The following TG variants were observed in gnomAD, a reference collection of about 807,000 sequenced individuals.
TG encodes thyroid hormones.
A neutral mutation model predicts 324.7 loss-of-function variants in TG; 270 were observed. The ratio of observed to expected loss-of-function variants is 0.83; its 90% confidence interval spans 0.75 to 0.92. The LOEUF (loss-of-function observed/expected upper bound fraction) is 0.92. Ranked by LOEUF, TG falls within the 40% of genes least tolerant of loss-of-function variation. TG has a pLI of 0.00. For synonymous variants in TG, 1,401 were observed against 1,327.0 expected, an observed-to-expected ratio of 1.06 and a Z score of -1.21; for missense variants, 3,591 against 3,456.4, an observed-to-expected ratio of 1.04 and a Z score of -0.98.
rs7820791 is a variant in TG at position 132,875,176 on chromosome 8, G to A, written c.638+1955G>A. Among the ~76,000 whole-genome samples, 548 of 152,236 alleles carry A rather than the reference G, an allele frequency of 3.6e-3. 3 individuals carry two copies. The highest frequency in any genetic ancestry group is 0.01 in the Middle Eastern group (3 of 294). Reference sequence around the variant, plus strand: ...CAAAGTTGTAAATTACTATACTTCTGTAGGTAATTCTCATGCATCAGCCAG... The same window carrying A: ...CAAAGTTGTAAATTACTATACTTCTATAGGTAATTCTCATGCATCAGCCAG... On this transcript the variant is annotated intron_variant, in intron 5 of 47. Transcript: ENST00000220616.
intron 10 of TG, 63 bp downstream of exon 10, chr8:132,888,631 T>TG: frequency 7.1e-7 from 1 of 1,415,714 alleles, no homozygotes; most frequent in South Asian, 1.4e-5. Flanking sequence ...GTATGTGTGT[T>TG]TAACATATAA....
At chr8:133,012,203 C>G (rs549019817) in intron 36 of TG, among the ~76,000 whole-genome samples, 168 bp downstream of exon 36, 1 of 152,272 alleles carries the variant, frequency 6.6e-6, no homozygotes, top group South Asian at 2.1e-4. Flanking sequence ...CTCATTACCC[C>G]ACAGGGCAGC....
In TG at chr8:133,071,911, G is replaced by A. The variant is rs145594245; in HGVS notation, c.7240-23133G>A. ...CTCAATGAAAAGCCATGATCTAGCC[G>A]GTGTCTGGCACATAATGCAAGCTCA... On this transcript the variant is annotated intron_variant, in intron 41 of 47. Transcript: ENST00000220616. Among the ~76,000 whole-genome samples, 61 of 152,266 alleles carry A rather than the reference G, an allele frequency of 4.0e-4. 2 individuals carry two copies. The East Asian group carries it at 0.011, about 27-fold the overall frequency.
intron 31 of TG, among the ~76,000 whole-genome samples, chr8:132,969,217 C>T (rs1293765790): frequency 6.6e-6 from 1 of 152,086 alleles, no homozygotes; most frequent in African/African-American, 2.4e-5. Flanking sequence ...TTTTATTTCT[C>T]CATATGCTTT....
chr8:132,882,656 G>A, intron 7 of TG, 44 bp downstream of exon 7: 4 of 1,614,138 alleles, frequency 2.5e-6, no homozygotes, highest in Non-Finnish European at 3.4e-6. Flanking sequence ...CCATTAGGGG[G>A]ACGCCTCTTG....
In TG at chr8:132,935,778, C is replaced by T; in HGVS notation, c.4955C>T (p.Ser1652Leu). 6.2e-7 allele frequency: 1 copy of T among 1,612,974 alleles called. No individual in the cohort carries two copies. The highest frequency in any genetic ancestry group is 2.2e-5 in the East Asian group (1 of 44,878). The change falls in exon 25 of 48, where the codon TCA becomes TTA. Residue 1652 changes from serine to leucine, a missense_variant. Ser to Leu is a moderately radical substitution (Grantham distance 145). Transcript: ENST00000220616. ...CAGAAACGAGATGCACTGGGGAACT[C>T]AAAGGCCACCAGCTTTGGAAGTCTT... is the stretch of plus-strand genomic sequence containing the variant. ...SDQKRDALGN[S>L]KATSFGSLRC...
chr8:132,985,517 CA>C (rs1416775214), intron 35 of TG, among the ~76,000 whole-genome samples: 2 of 152,134 alleles, frequency 1.3e-5, no homozygotes, highest in Non-Finnish European at 2.9e-5. Context: ...CCTCCTTTAT[CA>C]ACAAAATATA....
intron 35 of TG, among the ~76,000 whole-genome samples, chr8:132,988,200 A>G (rs1447828048): frequency 6.6e-6 from 1 of 152,136 alleles, no homozygotes; most frequent in Non-Finnish European, 1.5e-5. Context: ...GATACTGACA[A>G]GTTTCCCCCA....
At chr8:132,883,281 C>T (rs1814924259) in intron 8 of TG, 3 of 438,594 alleles carry the variant, frequency 6.8e-6, no homozygotes, top group Non-Finnish European at 8.4e-6. Flanking sequence ...TGCGGTGAGA[C>T]AGGAGCATGC....
intron 41 of TG, among the ~76,000 whole-genome samples, chr8:133,079,381 G>C (rs910030893): frequency 6.6e-6 from 1 of 152,238 alleles, no homozygotes; most frequent in Non-Finnish European, 1.5e-5. Flanking sequence ...GTACTACGCT[G>C]TGGTCATCAC....
At chr8:132,982,629 C>T (rs1274929498) in intron 34 of TG, among the ~76,000 whole-genome samples, 6 of 152,174 alleles carry the variant, frequency 3.9e-5, no homozygotes, top group Non-Finnish European at 8.8e-5. Flanking sequence ...TGCTGTGCTG[C>T]TTGCTATTAG....
chr8:132,878,900 C>T (rs936463139), intron 5 of TG, among the ~76,000 whole-genome samples: 3 of 152,166 alleles, frequency 2.0e-5, no homozygotes, highest in African/African-American at 7.2e-5. Context: ...ATTCTTTGGT[C>T]CAGCTGGCCC....
intron 22 of TG, among the ~76,000 whole-genome samples, chr8:132,924,248 T>C (rs1821507356): frequency 6.6e-6 from 1 of 152,126 alleles, no homozygotes; most frequent in African/African-American, 2.4e-5. Context: ...GAGAATCTAA[T>C]GCTGCCACTG....
chr8:132,868,730 G>A (rs1242747664), intron 2 of TG, among the ~76,000 whole-genome samples: 1 of 152,194 alleles, frequency 6.6e-6, no homozygotes, highest in East Asian at 1.9e-4. Context: ...TCCACATTGA[G>A]CTGCTCTCTG....
chr8:132,869,779 A>ACGG lies in TG; in HGVS notation c.229_231dup (p.Gly77dup). The ACGG allele has an allele frequency of 6.2e-7, 1 of 1,614,150 alleles. No individual in the cohort carries two copies. ...CGCTCCTGCTGGTGTGTGGGTGCCAACGGCAGTGAAGTGCTGGGCAGCAGG... is the reference window on the plus strand; with the variant it reads ...CGCTCCTGCTGGTGTGTGGGTGCCAACGGCGGCAGTGAAGTGCTGGGCAGCAGG... On this transcript the variant is annotated inframe_insertion, in exon 3 of 48. Transcript: ENST00000220616.
chr8:132,981,590 A>G (rs144426616), intron 34 of TG, among the ~76,000 whole-genome samples: 3 of 152,284 alleles, frequency 2.0e-5, no homozygotes, highest in Non-Finnish European at 2.9e-5. Context: ...TATGAGTTAT[A>G]TTAGGAGCTC....
intron 41 of TG, among the ~76,000 whole-genome samples, chr8:133,068,028 G>A (rs549596833): frequency 1.2e-4 from 18 of 152,306 alleles, no homozygotes; most frequent in Middle Eastern, 3.4e-3. Context: ...GCCTGGGGCT[G>A]GGGGCTCAGC....
intron 26 of TG, among the ~76,000 whole-genome samples, chr8:132,944,426 T>C (rs1340802241): frequency 6.6e-6 from 1 of 152,226 alleles, no homozygotes; most frequent in East Asian, 1.9e-4. Flanking sequence ...TTGTCCCTTC[T>C]TTTTGTATCC....
intron 45 of TG, among the ~76,000 whole-genome samples, chr8:133,123,820 T>A (rs911541831): frequency 1.3e-5 from 2 of 152,220 alleles, no homozygotes; most frequent in African/African-American, 4.8e-5. Flanking sequence ...TCTGCCACTT[T>A]CTATGTGCCT....
Sources: gnomAD v4.1 joint callset for allele counts (sites outside exome capture counted in the v4.1 genomes callset) on GRCh38, gnomAD v4.1.1 for gene constraint, MANE v1.5 for transcripts, NCBI Gene and HGNC (gene_info 2026-07-23, HGNC 2026-07-21) for gene names.